The following HNRNPC variants were observed in gnomAD, a reference collection of about 807,000 sequenced individuals.
The protein encoded by HNRNPC is heterogeneous nuclear ribonucleoproteins C1/C2.
In HNRNPC, 3 loss-of-function variants were observed where a neutral mutation model predicts 33.2. That is an observed-to-expected ratio of 0.09 (90% CI 0.04 to 0.23). The LOEUF (loss-of-function observed/expected upper bound fraction) is 0.23, where lower values mean the gene tolerates loss of function less well. HNRNPC is among the 10% of genes least tolerant of loss of function. The pLI, the probability that HNRNPC is intolerant of heterozygous loss-of-function variation, is 1.00. For synonymous variants in HNRNPC, 121 were observed against 126.7 expected (o/e 0.96, Z 0.30); for missense variants, 143 against 366.7 (o/e 0.39, Z 4.98).
intron 2 of HNRNPC, chr14:21,254,589 T>C (rs1876799710): frequency 6.6e-6 from 1 of 152,176 alleles, no homozygotes; most frequent in East Asian, 1.9e-4. Context: ...ACTTGACTAG[T>C]ATTCCTTTTC....
At chr14:21,211,747 C>T (rs1489590916) in intron 7 of HNRNPC, 63 bp downstream of exon 7, 5 of 1,489,354 alleles carry the variant, frequency 3.4e-6, no homozygotes, top group Non-Finnish European at 1.9e-6. Context: ...CCAACATGTA[C>T]TTTCAAGTGC....
At chr14:21,244,615 TAAACC>T (rs2139743062) in intron 2 of HNRNPC, among the ~76,000 whole-genome samples, 1 of 152,338 alleles carries the variant, frequency 6.6e-6, no homozygotes, top group South Asian at 2.1e-4. Context: ...CATTCATCAG[TAAACC>T]AATTAATCAC....
chr14:21,226,904 G>T (rs1015900451), intron 5 of HNRNPC, among the ~76,000 whole-genome samples: 3 of 135,076 alleles, frequency 2.2e-5, no homozygotes, highest in Admixed American at 7.5e-5. Flanking sequence ...AAGGGGGGGG[G>T]GGGACAGTGA....
At chr14:21,234,254 G>A in intron 2 of HNRNPC, 25 bp from the exon 3 acceptor site, 1 of 1,531,594 alleles carries the variant, frequency 6.5e-7, no homozygotes, top group Non-Finnish European at 8.9e-7. Flanking sequence ...AAAGTATACA[G>A]GTGAACAGAT....
chr14:21,226,899 G>C (rs866275123), intron 5 of HNRNPC, among the ~76,000 whole-genome samples: 7 of 106,382 alleles, frequency 6.6e-5, no homozygotes, highest in East Asian at 6.5e-4. Flanking sequence ...AAAAAAAGGG[G>C]GGGGGGGGAC....
At chr14:21,259,965 C>G (rs568511595) in intron 2 of HNRNPC, among the ~76,000 whole-genome samples, 3 of 150,038 alleles carry the variant, frequency 2.0e-5, no homozygotes, top group South Asian at 4.2e-4. Context: ...TTTGGGAGGC[C>G]GAGGCGGGCG....
At chr14:21,243,822 A>G (rs1895639399) in intron 2 of HNRNPC, among the ~76,000 whole-genome samples, 1 of 152,354 alleles carries the variant, frequency 6.6e-6, no homozygotes, top group East Asian at 1.9e-4. Context: ...AAACAAAAAC[A>G]TGGTAGAATA....
At chr14:21,240,371 C>G (rs1252263121) in intron 2 of HNRNPC, among the ~76,000 whole-genome samples, 2 of 152,164 alleles carry the variant, frequency 1.3e-5, no homozygotes, top group Non-Finnish European at 2.9e-5. Flanking sequence ...GGAAACCAAT[C>G]TTGGATTGTC....
intron 1 of HNRNPC, among the ~76,000 whole-genome samples, chr14:21,268,240 T>C (rs1017567557): frequency 1.4e-4 from 22 of 152,196 alleles, no homozygotes; most frequent in African/African-American, 4.3e-4. Context: ...CTGTTAATAT[T>C]TGCTTAATAT....
chr14:21,248,711 C>T (rs141133202), intron 2 of HNRNPC, among the ~76,000 whole-genome samples: 2,941 of 152,246 alleles, frequency 0.019, 44 homozygotes, highest in Non-Finnish European at 0.032. Flanking sequence ...ACCAAACAAG[C>T]AAATACATTT....
In HNRNPC at chr14:21,230,301, CA is replaced by C. The variant is rs759598422; in HGVS notation, c.365+17del. On this transcript the variant is annotated intron_variant, in intron 5 of 8. Coordinates refer to ENST00000553300, the MANE Select transcript of HNRNPC (RefSeq NM_004500.4). ...ACTAAATAGCTGTTTAGCAGAAATA[CA>C]AAACATTTTAACATACCTATCATAA... The C allele has an allele frequency of 1.9e-6, 3 of 1,571,062 alleles. No individual in the cohort carries two copies. In the African/African-American group the frequency reaches 4.1e-5, roughly 21 times the overall value.
intron 2 of HNRNPC, among the ~76,000 whole-genome samples, chr14:21,235,405 G>C (rs945496958): frequency 6.6e-6 from 1 of 152,052 alleles, no homozygotes; most frequent in African/African-American, 2.4e-5. Context: ...CATAAAAACA[G>C]GTAGTTTAAC....
At chr14:21,230,885 C>T (rs1894041128) in intron 4 of HNRNPC, 112 bp downstream of exon 4, 1 of 1,242,876 alleles carries the variant, frequency 8.0e-7, no homozygotes, top group Non-Finnish European at 1.2e-6. Context: ...TAAACCTCCC[C>T]ACACCCAGAA....
intron 5 of HNRNPC, among the ~76,000 whole-genome samples, chr14:21,229,117 G>A (rs1213973067): frequency 8.8e-5 from 13 of 148,254 alleles, no homozygotes; most frequent in South Asian, 2.1e-4. Flanking sequence ...CAGGCCAGGC[G>A]TGGTGGCTCA....
chr14:21,268,815 C>T (rs1323938913), intron 1 of HNRNPC: 2 of 152,164 alleles, frequency 1.3e-5, no homozygotes, highest in African/African-American at 4.8e-5. Context: ...AATGCTGAAT[C>T]TTTTGTTAAA....
chr14:21,226,499 T>C (rs1383424407), intron 5 of HNRNPC, among the ~76,000 whole-genome samples: 1 of 152,040 alleles, frequency 6.6e-6, no homozygotes, highest in African/African-American at 2.4e-5. Context: ...TTCCCAACAT[T>C]GTGATAAAAA....
chr14:21,261,659 G>A (rs189775193), intron 2 of HNRNPC, among the ~76,000 whole-genome samples: 4 of 152,278 alleles, frequency 2.6e-5, no homozygotes, highest in Admixed American at 2.6e-4. Flanking sequence ...CTTTGGGGGT[G>A]TCAAGGCAGG....
At chr14:21,228,518 A>G (rs1893729997) in intron 5 of HNRNPC, among the ~76,000 whole-genome samples, 1 of 152,000 alleles carries the variant, frequency 6.6e-6, no homozygotes, top group South Asian at 2.1e-4. Flanking sequence ...CATCCTCCTG[A>G]GTAGCTGGGA....
chr14:21,267,693 ATT>A (rs1426457998), intron 1 of HNRNPC, among the ~76,000 whole-genome samples: 6 of 152,208 alleles, frequency 3.9e-5, no homozygotes, highest in African/African-American at 1.4e-4. Context: ...AGTTTCGGAT[ATT>A]AACTCAAAGA....
Sources: allele counts gnomAD v4.1 joint callset (sites outside exome capture counted in the v4.1 genomes callset), GRCh38; gene constraint gnomAD v4.1.1; transcripts MANE v1.5; gene names NCBI Gene and HGNC (gene_info 2026-07-23, HGNC 2026-07-21).